The following GIPR variants were observed in gnomAD, a reference collection of about 807,000 sequenced individuals.
GIPR encodes gastric inhibitory polypeptide receptor, also known as GIP-R.
GIPR carries 74 observed loss-of-function variants against 62.2 expected under a neutral mutation model. The observed-to-expected ratio is 1.19, with a 90% CI of 0.99 to 1.44. The LOEUF (loss-of-function observed/expected upper bound fraction) is 1.44. GIPR is among the 40% of genes most tolerant of loss of function. GIPR has a pLI of 0.00. For synonymous variants in GIPR, 256 were observed against 262.2 expected, an observed-to-expected ratio of 0.98 and a Z score of 0.23; for missense variants, 664 against 611.8, an observed-to-expected ratio of 1.09 and a Z score of -0.90.
chr19:45,676,342 G>A (rs944312121), intron 7 of GIPR, among the ~76,000 whole-genome samples: 3 of 151,994 alleles, frequency 2.0e-5, no homozygotes, highest in Non-Finnish European at 4.4e-5. Context: ...GGGAACTGAC[G>A]GCAATGATGG....
rs1236093866 is a variant in GIPR at position 45,682,729 on chromosome 19, G to C, written c.*794G>C. On this transcript the variant is annotated 3_prime_UTR_variant, in exon 14 of 14. Coordinates refer to ENST00000590918, the MANE Select transcript of GIPR (RefSeq NM_000164.4). ...GGCTAATTTTTGCATTTTCAGTAGA[G>C]ATAGGGTTTCTCCATGTTGGCCAGG... 6.6e-6 allele frequency: 1 copy of C among 151,576 alleles called. No individual in the cohort carries two copies. The highest frequency in any genetic ancestry group is 1.5e-5 in the Non-Finnish European group (1 of 67,986). The allele number at this position is 151,576 out of a possible 1,614,324, so 9.4% of individuals were successfully genotyped here.
rs1410256461 is a variant in GIPR at position 45,669,744 on chromosome 19, G to C, written c.72+152G>C. ...GTGGATCACTTGAGGCCAGGAGTTCGAGACCAGCCTGGCCAACATGGTGAA... is the reference window on the plus strand; with the variant it reads ...GTGGATCACTTGAGGCCAGGAGTTCCAGACCAGCCTGGCCAACATGGTGAA... On this transcript the variant is annotated intron_variant, in intron 2 of 13. Transcript: ENST00000590918. The C allele has an allele frequency of 4.8e-6, 5 of 1,038,298 alleles. No individual in the cohort carries two copies. In the African/African-American group the frequency reaches 6.4e-5, roughly 13 times the overall value. 64.3% of individuals were successfully genotyped at this position (1,038,298 alleles called of 1,614,324 possible). A position where few individuals can be genotyped will look rare whatever the true frequency, so the allele number is the denominator to read the frequency against.
rs769282692 is a variant in GIPR, at chr19:45,677,121, C to T, written c.793+13C>T. On this transcript the variant is annotated intron_variant, in intron 8 of 13. Coordinates refer to ENST00000590918, the MANE Select transcript of GIPR (RefSeq NM_000164.4). ...CTCCTCGGCTGGGGTGAGCTCCGAT[C>T]CCGTCCCCCGCCCAACCCAGCGCGC... 1.9e-6 allele frequency: 3 copies of T among 1,612,102 alleles called. No homozygotes were observed. The highest frequency in any genetic ancestry group is 1.7e-5 in the Admixed American group (1 of 59,996).
In GIPR at chr19:45,678,119, CTGCTGGGTGTCCACG is replaced by C; in HGVS notation, c.1046_1060del (p.Leu349_Glu354delinsGln). On this transcript the variant is annotated inframe_deletion, in exon 12 of 14. Coordinates refer to ENST00000590918, the MANE Select transcript of GIPR (RefSeq NM_000164.4). ...TCGCTCCACGCTGACGCTGGTGCCC[CTGCTGGGTGTCCACG>C]AGGTGGTGTTTGCTCCCGTGACAGA... 5 of 1,612,802 alleles carry C rather than the reference CTGCTGGGTGTCCACG, an allele frequency of 3.1e-6. No homozygotes were observed. The highest frequency in any genetic ancestry group is 4.2e-6 in the Non-Finnish European group (5 of 1,179,840).
chr19:45,673,419 C>CAAAAAAAAAAAAAAAAAAAAAAA (rs71175203), intron 5 of GIPR, among the ~76,000 whole-genome samples: 2 of 82,740 alleles, frequency 2.4e-5, no homozygotes, highest in Non-Finnish European at 2.4e-5. Context: ...GACTCCATCT[C>CAAAAAAAAAAAAAAAAAAAAAAA]AAAAAAAAAA....
At chr19:45,674,976 C>G (rs1975758571) in intron 7 of GIPR, 150 bp downstream of exon 7, 1 of 714,258 alleles carries the variant, frequency 1.4e-6, no homozygotes, top group African/African-American at 1.8e-5. Flanking sequence ...GGTGGGGGAT[C>G]AAGACACATT....
chr19:45,676,986 A>G lies in GIPR; in HGVS notation c.671A>G (p.Gln224Arg), dbSNP rs750730071. ...TGCCGCACGGCCCAGATCGTGACCC[A>G]GTACTGCGTGGGTGCCAACTACACG... is the stretch of plus-strand genomic sequence containing the variant. ...AACRTAQIVTQYCVGANYTWL... is the reference protein window; with the variant it reads ...AACRTAQIVTRYCVGANYTWL... Residue 224 changes from glutamine (Q) to arginine (R), a missense_variant, in exon 8 of 14, where the codon CAG (glutamine) becomes CGG (arginine). Coordinates refer to ENST00000590918, the MANE Select transcript of GIPR (RefSeq NM_000164.4). 6.2e-7 allele frequency: 1 copy of G among 1,613,966 alleles called. No individual in the cohort carries two copies. The highest frequency in any genetic ancestry group is 8.5e-7 in the Non-Finnish European group (1 of 1,180,006).
chr19:45,678,350 G>A, intron 12 of GIPR, 124 bp downstream of exon 12: 1 of 1,085,736 alleles, frequency 9.2e-7, no homozygotes, highest in Non-Finnish European at 1.3e-6. Flanking sequence ...GATTTAGTTC[G>A]TTCATTAATT....
At chr19:45,671,435 A>T (rs1453043458) in intron 4 of GIPR, 43 bp downstream of exon 4, 4 of 1,236,936 alleles carry the variant, frequency 3.2e-6, no homozygotes, top group Non-Finnish European at 4.7e-6. Flanking sequence ...AGACACAAAC[A>T]ACTGCTAACC....
At chr19:45,676,861 C>A in intron 7 of GIPR, 88 bp from the exon 8 acceptor site, 1 of 1,165,904 alleles carries the variant, frequency 8.6e-7, no homozygotes, top group Non-Finnish European at 1.3e-6. Context: ...TGGCAAGAGA[C>A]GGGGTGGAAG....
At chr19:45,677,277 C>G in intron 8 of GIPR, 46 bp from the exon 9 acceptor site, 3 of 1,383,268 alleles carry the variant, frequency 2.2e-6, no homozygotes, top group Non-Finnish European at 3.0e-6. Context: ...CGTGAGCGCG[C>G]TGACAGCTGC....
Position 45,681,621 on chromosome 19 carries a change from C to G in GIPR, c.1170C>G (p.Val390=). ...LSSFQGFLVS[V]LYCFINKEVQ... is the part of the protein sequence containing the mutation. ...CTGGGCAGGGCTTCCTGGTCAGCGT[C>G]CTCTACTGCTTCATCAACAAGGAGG... The change falls in exon 13 of 14, where the codon GTC becomes GTG. Residue 390 remains valine, a synonymous_variant. Coordinates refer to ENST00000590918, the MANE Select transcript of GIPR (RefSeq NM_000164.4). The G allele has an allele frequency of 6.2e-7, 1 of 1,613,958 alleles. No individual in the cohort carries two copies. The highest frequency in any genetic ancestry group is 8.5e-7 in the Non-Finnish European group (1 of 1,179,992).
chr19:45,671,217 T>C, intron 3 of GIPR, 68 bp from the exon 4 acceptor site: 2 of 903,670 alleles, frequency 2.2e-6, no homozygotes, highest in Non-Finnish European at 1.8e-6. Context: ...CTTGGCCCAC[T>C]GCGCAGTAGC....
intron 12 of GIPR, among the ~76,000 whole-genome samples, chr19:45,680,910 A>G (rs1212169159): frequency 6.6e-6 from 1 of 151,928 alleles, no homozygotes; most frequent in African/African-American, 2.4e-5. Context: ...AACTACTACT[A>G]TATTACTGCT....
rs1418841100 is a variant in GIPR, at chr19:45,677,002, C to A, written c.687C>A (p.Ala229=). The change falls in exon 8 of 14, where the codon GCC becomes GCA. Residue 229 remains alanine (A), a synonymous_variant. Transcript: ENST00000590918. ...AQIVTQYCVG[A]NYTWLLVEGV... ...TCGTGACCCAGTACTGCGTGGGTGC[C>A]AACTACACGTGGCTGCTGGTGGAGG... The A allele has an allele frequency of 6.2e-7, 1 of 1,614,072 alleles. No individual in the cohort carries two copies. Among genetic ancestry groups the A allele is most frequent in the Admixed American group, 1.7e-5 (1 of 60,012 alleles).
In GIPR at chr19:45,677,926, C is replaced by G; in HGVS notation, c.945C>G (p.Ile315Met). ...CACAGATTAATTTCCTCATTTTTATCCGCATTCTTGGCATTCTCCTGTCCA... is the reference window on the plus strand; with the variant it reads ...CACAGATTAATTTCCTCATTTTTATGCGCATTCTTGGCATTCTCCTGTCCA... ...MTILINFLIF[I>M]RILGILLSKL... Residue 315 changes from isoleucine to methionine, a missense_variant, in exon 11 of 14, where the codon ATC becomes ATG. By Grantham distance (10) the Ile-to-Met change is conservative. Transcript: ENST00000590918. 1 of 1,614,046 alleles carries G rather than the reference C, an allele frequency of 6.2e-7. No individual in the cohort carries two copies. Among genetic ancestry groups the G allele is most frequent in the Non-Finnish European group, 8.5e-7 (1 of 1,179,964 alleles).
At chr19:45,674,571 C>T (rs1365231007) in intron 6 of GIPR, 111 bp from the exon 7 acceptor site, 8 of 960,382 alleles carry the variant, frequency 8.3e-6, no homozygotes, top group Non-Finnish European at 1.3e-5. Flanking sequence ...TGTGTCACTG[C>T]ATTCTAGCCT....
In GIPR at chr19:45,674,813, C is replaced by A. The variant is rs1800436; in HGVS notation, c.620C>A (p.Ala207Glu). 6.2e-7 allele frequency: 1 copy of A among 1,613,950 alleles called. No individual in the cohort carries two copies. Residue 207 changes from alanine (A) to glutamate (E), a missense_variant, in exon 7 of 14, where the codon GCG (alanine) becomes GAG (glutamate). Ala to Glu is a moderately radical substitution (Grantham distance 107). Transcript: ENST00000590918. ...CCCTACCTTGGGGACCAGGCCCTTG[C>A]GCTGTGGAACCAGGTGGGCATCCTC... ...PGPYLGDQAL[A>E]LWNQALAACR... is the part of the protein sequence containing the mutation.
In GIPR at chr19:45,669,736, AG is replaced by A. The variant is rs534539622; in HGVS notation, c.72+146del. ...CGAAGCGGGTGGATCACTTGAGGCC[AG>A]GAGTTCGAGACCAGCCTGGCCAACA... On this transcript the variant is annotated intron_variant, in intron 2 of 13. Transcript: ENST00000590918. 19 of 1,102,476 alleles carry A rather than the reference AG, an allele frequency of 1.7e-5. No homozygotes were observed. The South Asian group carries it at 2.9e-4, about 17-fold the overall frequency. 68.3% of individuals were successfully genotyped at this position (1,102,476 alleles called of 1,614,324 possible). A position where few individuals can be genotyped will look rare whatever the true frequency, so the allele number is the denominator to read the frequency against.
Sources: gnomAD v4.1 joint callset for allele counts (sites outside exome capture counted in the v4.1 genomes callset) on GRCh38, gnomAD v4.1.1 for gene constraint, MANE v1.5 for transcripts, NCBI Gene and HGNC (gene_info 2026-07-23, HGNC 2026-07-21) for gene names.